The following KLRG1 variants were observed in gnomAD, a reference collection of about 807,000 sequenced individuals.
KLRG1 encodes the protein killer cell lectin-like receptor subfamily G member 1.
A neutral mutation model predicts 21.8 loss-of-function variants in KLRG1; 16 were observed. That is an observed-to-expected ratio of 0.73 (90% CI 0.50 to 1.11). The LOEUF (loss-of-function observed/expected upper bound fraction) is 1.11. Ranked by LOEUF, KLRG1 falls within the 50% of genes most tolerant of loss-of-function variation. The pLI, the probability that KLRG1 is intolerant of heterozygous loss-of-function variation, is 0.00. For synonymous variants in KLRG1, 69 were observed against 75.9 expected (o/e 0.91, Z 0.47); for missense variants, 173 against 218.3 (o/e 0.79, Z 1.31).
At chr12:9,197,905 ATT>A in the KLRG1 span, among the ~76,000 whole-genome samples, 1 of 126,878 alleles carries the variant, frequency 7.9e-6, no homozygotes, top group Non-Finnish European at 1.6e-5. Flanking sequence ...AATTATATAT[ATT>A]TATATTATAT....
At chr12:9,088,923 T>C in the KLRG1 span, among the ~76,000 whole-genome samples, 1 of 152,214 alleles carries the variant, frequency 6.6e-6, no homozygotes, top group East Asian at 1.9e-4. Flanking sequence ...ATTTTGATTC[T>C]ACCCACTTTC....
chr12:9,125,195 T>A, the KLRG1 span, among the ~76,000 whole-genome samples: 2 of 152,298 alleles, frequency 1.3e-5, no homozygotes, highest in African/African-American at 4.8e-5. Context: ...GAGCAGTAGA[T>A]GTTGGGAAGA....
the KLRG1 span, chr12:9,079,733 G>C: frequency 6.2e-7 from 1 of 1,613,716 alleles, no homozygotes; most frequent in East Asian, 2.2e-5. Context: ...TAGGAGCAAA[G>C]AGGACCATAT....
the KLRG1 span, among the ~76,000 whole-genome samples, chr12:9,084,244 A>T: frequency 2.0e-5 from 3 of 152,120 alleles, no homozygotes; most frequent in East Asian, 3.8e-4. Flanking sequence ...CAAAAACACA[A>T]AAGCACAAAA....
the KLRG1 span, among the ~76,000 whole-genome samples, chr12:9,092,408 C>T: frequency 6.6e-6 from 1 of 152,018 alleles, no homozygotes; most frequent in African/African-American, 2.4e-5. Flanking sequence ...CAGTGGCTAC[C>T]CGCCCCCACC....
chr12:9,116,872 T>G, the KLRG1 span, among the ~76,000 whole-genome samples: 1 of 152,114 alleles, frequency 6.6e-6, no homozygotes, highest in Non-Finnish European at 1.5e-5. Flanking sequence ...AAATACAATA[T>G]AACACCTACT....
At chr12:9,208,197 G>T in the KLRG1 span, 1 of 1,311,786 alleles carries the variant, frequency 7.6e-7, no homozygotes, top group Non-Finnish European at 1.1e-6. Flanking sequence ...GGAAGGCAAA[G>T]CGAAGACACA....
At chr12:9,104,761 C>T in the KLRG1 span, among the ~76,000 whole-genome samples, 1 of 152,156 alleles carries the variant, frequency 6.6e-6, no homozygotes, top group African/African-American at 2.4e-5. Flanking sequence ...CTTAGAGAGT[C>T]ACAGAGCACT....
the KLRG1 span, among the ~76,000 whole-genome samples, chr12:9,130,009 G>T: frequency 6.6e-6 from 1 of 152,066 alleles, no homozygotes; most frequent in Non-Finnish European, 1.5e-5. Context: ...GGTAACCAGC[G>T]TTCTTCTTTC....
At chr12:8,969,854 G>A (rs1946538592) in intron 1 of KLRG1, among the ~76,000 whole-genome samples, 1 of 152,204 alleles carries the variant, frequency 6.6e-6, no homozygotes, top group Non-Finnish European at 1.5e-5. Context: ...TGGGGCTCAT[G>A]CCTGTAATCT....
the KLRG1 span, chr12:9,079,180 T>G: frequency 8.2e-7 from 1 of 1,226,564 alleles, no homozygotes; most frequent in South Asian, 1.3e-5. Flanking sequence ...TGAATATAAT[T>G]GAGGTAATAC....
intron 1 of KLRG1, chr12:8,970,672 A>G (rs1250581667): frequency 6.6e-6 from 1 of 152,228 alleles, no homozygotes; most frequent in East Asian, 1.9e-4. Context: ...GAAATAAGAC[A>G]TCCTTGCCTT....
At chr12:9,104,421 A>C in the KLRG1 span, 2 of 1,564,064 alleles carry the variant, frequency 1.3e-6, no homozygotes, top group Non-Finnish European at 1.7e-6. Flanking sequence ...AAAGCTGTGG[A>C]TTAGTTATAT....
chr12:9,112,663 G>A, the KLRG1 span: 2 of 1,024,020 alleles, frequency 2.0e-6, no homozygotes, highest in Non-Finnish European at 2.9e-6. Context: ...TCTCAGCAGG[G>A]AAAGTTGGCA....
chr12:9,009,587 G>A lies in KLRG1; in HGVS notation c.*50G>A. 3.1e-6 allele frequency: 5 copies of A among 1,599,484 alleles called. No homozygotes were observed. Among genetic ancestry groups the A allele is most frequent in the Non-Finnish European group, 4.3e-6 (5 of 1,172,192 alleles). On this transcript the variant is annotated 3_prime_UTR_variant, in exon 5 of 5. Transcript: ENST00000356986. ...TCAGATCTGTCATGTATCCCTAAAA[G>A]GAGGGAGCTGGCCACTGGCTGTTGG...
the KLRG1 span, chr12:9,112,243 A>G: frequency 6.2e-7 from 1 of 1,613,560 alleles, no homozygotes; most frequent in African/African-American, 1.3e-5. Flanking sequence ...TGAGCCCCCA[A>G]ACCCAAAGTA....
the KLRG1 span, chr12:9,093,408 T>C: frequency 8.3e-7 from 1 of 1,198,602 alleles, no homozygotes; most frequent in Non-Finnish European, 1.2e-6. Context: ...TAGCAAAGAG[T>C]TGAAAATAGT....
the KLRG1 span, chr12:9,058,100 C>T: frequency 1.3e-5 from 2 of 152,108 alleles, no homozygotes; most frequent in African/African-American, 2.4e-5. Flanking sequence ...AGGAAACAGG[C>T]GTACATCAGG....
chr12:9,104,272 G>A, the KLRG1 span: 2 of 1,612,860 alleles, frequency 1.2e-6, no homozygotes, highest in South Asian at 2.2e-5. Flanking sequence ...TAACATTGGT[G>A]GTGTTGATAG....
Sources: allele counts gnomAD v4.1 joint callset (sites outside exome capture counted in the v4.1 genomes callset), GRCh38; gene constraint gnomAD v4.1.1; transcripts MANE v1.5; gene names NCBI Gene and HGNC (gene_info 2026-07-23, HGNC 2026-07-21).